The following ITPK1 variants were observed in gnomAD, a reference collection of about 807,000 sequenced individuals.
The protein encoded by ITPK1 is inositol-tetrakisphosphate 1-kinase, also known as inositol 1,3,4-trisphosphate 5/6-kinase.
In ITPK1, 21 loss-of-function variants were observed where a neutral mutation model predicts 45.3. The observed-to-expected ratio is 0.46, with a 90% CI of 0.33 to 0.67. The LOEUF (loss-of-function observed/expected upper bound fraction) is 0.67, where lower values mean the gene tolerates loss of function less well. ITPK1 is among the 30% of genes least tolerant of loss of function. The pLI, the probability that ITPK1 is intolerant of heterozygous loss-of-function variation, is 0.02. For missense variants in ITPK1, 474 were observed against 573.5 expected (o/e 0.83, Z 1.77); for synonymous variants, 258 against 253.6 (o/e 1.02, Z -0.16).
chr14:92,949,442 G>A (rs1390049669), intron 9 of ITPK1, among the ~76,000 whole-genome samples: 2 of 152,206 alleles, frequency 1.3e-5, no homozygotes, highest in African/African-American at 4.8e-5. Flanking sequence ...TGCCAGTGGG[G>A]GCCAGAGGCT....
At position 92,941,739 on chromosome 14, in the gene ITPK1, C is replaced by T. The variant is rs1887425944; in HGVS notation, c.1067G>A (p.Ser356Asn). 4 of 1,596,612 alleles carry T rather than the reference C, an allele frequency of 2.5e-6. No homozygotes were observed. Among genetic ancestry groups the T allele is most frequent in the South Asian group, 2.2e-5 (2 of 89,244 alleles). Residue 356 changes from serine (S) to asparagine (N), a missense_variant, in exon 11 of 11, where the codon AGC (serine) becomes AAC (asparagine). Ser to Asn is a conservative substitution (Grantham distance 46). Coordinates refer to ENST00000267615, the MANE Select transcript of ITPK1 (RefSeq NM_014216.6). ...AGGLVGERTC[S>N]ASPGCCGSMM... ...GCTGCCGCAGCAGCCGGGGCTGGCG[C>T]TGCATGTCCGCTCGCCCACCAGGCC...
chr14:93,103,515 C>G (rs879508611), intron 2 of ITPK1, among the ~76,000 whole-genome samples: 5 of 152,144 alleles, frequency 3.3e-5, no homozygotes, highest in Non-Finnish European at 7.4e-5. Flanking sequence ...AGTGGTGAGA[C>G]AACTGCCCTG....
intron 2 of ITPK1, among the ~76,000 whole-genome samples, chr14:93,089,982 T>A (rs1891801452): frequency 6.6e-6 from 1 of 152,238 alleles, no homozygotes; most frequent in East Asian, 1.9e-4. Flanking sequence ...CAGGCAGGGC[T>A]TCCCACTCCC....
chr14:92,972,653 G>A (rs964415559), intron 5 of ITPK1, among the ~76,000 whole-genome samples: 5 of 152,126 alleles, frequency 3.3e-5, no homozygotes. Context: ...CAGAGGCATC[G>A]TGATCTCAGC....
intron 2 of ITPK1, among the ~76,000 whole-genome samples, chr14:93,077,082 G>A (rs1296764688): frequency 6.6e-6 from 1 of 152,120 alleles, no homozygotes; most frequent in Non-Finnish European, 1.5e-5. Context: ...CCACACACGG[G>A]AGGCCCACAC....
At chr14:93,050,097 C>G (rs1889942172) in intron 3 of ITPK1, among the ~76,000 whole-genome samples, 1 of 152,186 alleles carries the variant, frequency 6.6e-6, no homozygotes, top group African/African-American at 2.4e-5. Context: ...CAGGGGGCAG[C>G]AGGCCGTAGG....
At chr14:92,976,450 T>C (rs1318547070) in intron 5 of ITPK1, among the ~76,000 whole-genome samples, 2 of 152,190 alleles carry the variant, frequency 1.3e-5, no homozygotes, top group African/African-American at 2.4e-5. Context: ...TAAACTGCCA[T>C]GCAAGACTGC....
chr14:93,010,552 A>AC, intron 4 of ITPK1, among the ~76,000 whole-genome samples: 1 of 152,098 alleles, frequency 6.6e-6, no homozygotes, highest in African/African-American at 2.4e-5. Context: ...AGTCCCTCTG[A>AC]CCCCCACCTG....
At chr14:92,994,254 C>T (rs142002656) in intron 4 of ITPK1, among the ~76,000 whole-genome samples, 3 of 152,348 alleles carry the variant, frequency 2.0e-5, no homozygotes, top group Admixed American at 6.5e-5. Context: ...CAGGGCAGGC[C>T]GCCTGACTCC....
At chr14:92,993,161 C>T (rs1455782060) in intron 5 of ITPK1, among the ~76,000 whole-genome samples, 1 of 152,242 alleles carries the variant, frequency 6.6e-6, no homozygotes, top group African/African-American at 2.4e-5. Flanking sequence ...AGGATAAATC[C>T]TCACAAAGCC....
At chr14:92,979,448 G>A (rs922580137) in intron 5 of ITPK1, among the ~76,000 whole-genome samples, 1 of 152,082 alleles carries the variant, frequency 6.6e-6, no homozygotes, top group African/African-American at 2.4e-5. Flanking sequence ...GTTTGGGAGG[G>A]GCCAGGGTGG....
chr14:93,049,196 A>C (rs1022982212), intron 3 of ITPK1, among the ~76,000 whole-genome samples: 1 of 152,192 alleles, frequency 6.6e-6, no homozygotes, highest in Non-Finnish European at 1.5e-5. Flanking sequence ...AAGCCCTACA[A>C]AACCCCTTCT....
intron 4 of ITPK1, among the ~76,000 whole-genome samples, chr14:93,001,348 T>C (rs1420743071): frequency 6.6e-6 from 1 of 151,988 alleles, no homozygotes; most frequent in Admixed American, 6.6e-5. Context: ...GGCCTGAAAG[T>C]CAGCGTGGGC....
At chr14:93,112,926 A>T (rs1037952226) in intron 2 of ITPK1, among the ~76,000 whole-genome samples, 4 of 152,114 alleles carry the variant, frequency 2.6e-5, no homozygotes, top group African/African-American at 9.7e-5. Flanking sequence ...AAACAACCTC[A>T]CGGGGCTCCC....
At chr14:93,104,480 A>G (rs1261294503) in intron 2 of ITPK1, among the ~76,000 whole-genome samples, 2 of 151,854 alleles carry the variant, frequency 1.3e-5, no homozygotes, top group Non-Finnish European at 2.9e-5. Context: ...AAAAGAACAG[A>G]ACTCCTTGAT....
Position 92,941,426 on chromosome 14 carries a change from G to A in ITPK1, c.*135C>T, listed in dbSNP as rs7140970. ...CCCTCATTTAGATCATGACATCAGA[G>A]AATCAGGTTAAAAATTAAAAAACAG... On this transcript the variant is annotated 3_prime_UTR_variant, in exon 11 of 11. Coordinates refer to ENST00000267615, the MANE Select transcript of ITPK1 (RefSeq NM_014216.6). The A allele has an allele frequency of 0.6, 850,880 of 1,416,728 alleles. 259,760 individuals are homozygous for A. Among genetic ancestry groups the A allele is most frequent in the East Asian group, 0.92 (34,606 of 37,552 alleles). 87.8% of individuals were successfully genotyped at this position (1,416,728 alleles called of 1,614,324 possible). A position where few individuals can be genotyped will look rare whatever the true frequency, so the allele number is the denominator to read the frequency against.
At chr14:92,952,922 T>G (rs568032071) in intron 8 of ITPK1, among the ~76,000 whole-genome samples, 1 of 152,352 alleles carries the variant, frequency 6.6e-6, no homozygotes, top group Admixed American at 6.5e-5. Context: ...AAAGGCTGTC[T>G]GTCACCATCC....
chr14:92,978,731 C>T (rs1886074590), intron 5 of ITPK1, among the ~76,000 whole-genome samples: 1 of 149,646 alleles, frequency 6.7e-6, no homozygotes, highest in Admixed American at 6.6e-5. Context: ...TGCAGGTGTG[C>T]TGAAGGCAAG....
chr14:93,012,441 G>A lies in ITPK1; in HGVS notation c.246+4235C>T, dbSNP rs1161008944. ...TCAGAGCCTGGGCAGCTGCTGAGGG[G>A]GCCAGGGAAGGAGCGGGTGGGGCAG... On this transcript the variant is annotated intron_variant, in intron 4 of 10. Coordinates refer to ENST00000267615, the MANE Select transcript of ITPK1 (RefSeq NM_014216.6). The surrounding 1 kb of genome is among the most constrained non-coding windows in gnomAD (Gnocchi z 4.9). Among the ~76,000 whole-genome samples the A allele has an allele frequency of 2.0e-5, 3 of 152,192 alleles. No individual in the cohort carries two copies. In the East Asian group the frequency reaches 5.8e-4, roughly 29 times the overall value.
Sources: allele counts gnomAD v4.1 joint callset (sites outside exome capture counted in the v4.1 genomes callset), GRCh38; gene constraint gnomAD v4.1.1; non-coding constraint Gnocchi (gnomAD v3.1); transcripts MANE v1.5; gene names NCBI Gene and HGNC (gene_info 2026-07-23, HGNC 2026-07-21).